Variants in KHDRBS2 observed in about 807,000 individuals in gnomAD.
KHDRBS2 encodes KH RNA binding domain containing, signal transduction associated 2.
A neutral mutation model predicts 44.3 loss-of-function variants in KHDRBS2; 26 were observed. That is an observed-to-expected ratio of 0.59 (90% CI 0.43 to 0.81). The LOEUF is 0.81. Ranked by LOEUF, KHDRBS2 falls within the 40% of genes least tolerant of loss-of-function variation. KHDRBS2 has a pLI of 0.00. For synonymous variants in KHDRBS2, 194 were observed against 151.1 expected, an observed-to-expected ratio of 1.28 and a Z score of -2.08; for missense variants, 476 against 433.1, an observed-to-expected ratio of 1.10 and a Z score of -0.88.
At chr6:61,929,398 C>T (rs1809595488) in intron 4 of KHDRBS2, among the ~76,000 whole-genome samples, 1 of 152,120 alleles carries the variant, frequency 6.6e-6, no homozygotes, top group African/African-American at 2.4e-5. Flanking sequence ...CAACCTGCAC[C>T]AATTTGGCTT....
At chr6:62,133,768 G>GAGA (rs2150092062) in intron 2 of KHDRBS2, among the ~76,000 whole-genome samples, 1 of 152,264 alleles carries the variant, frequency 6.6e-6, no homozygotes, top group East Asian at 1.9e-4. Context: ...AGAGGGAGAT[G>GAGA]AGAAACTTGT....
chr6:61,796,747 GGGGC>G (rs1785416813), intron 6 of KHDRBS2, among the ~76,000 whole-genome samples: 1 of 152,070 alleles, frequency 6.6e-6, no homozygotes, highest in African/African-American at 2.4e-5. Context: ...ATTTCTGAAA[GGGGC>G]TATATACTTG....
chr6:61,682,036 T>A (rs917794659), intron 8 of KHDRBS2, among the ~76,000 whole-genome samples: 1 of 151,852 alleles, frequency 6.6e-6, no homozygotes, highest in Non-Finnish European at 1.5e-5. Context: ...TAGAGACGCA[T>A]AGATATTGAT....
At chr6:62,107,549 C>A (rs1201867865) in intron 2 of KHDRBS2, among the ~76,000 whole-genome samples, 1 of 152,124 alleles carries the variant, frequency 6.6e-6, no homozygotes, top group East Asian at 1.9e-4. Context: ...ATGCCATCCC[C>A]ATCAAGCTAC....
chr6:61,951,623 A>T (rs1018798037), intron 4 of KHDRBS2, among the ~76,000 whole-genome samples: 2 of 152,070 alleles, frequency 1.3e-5, no homozygotes, highest in African/African-American at 4.8e-5. Flanking sequence ...AATCTATTAG[A>T]CACACAGTAA....
At chr6:61,871,991 T>G (rs1798731872) in intron 6 of KHDRBS2, among the ~76,000 whole-genome samples, 1 of 151,432 alleles carries the variant, frequency 6.6e-6, no homozygotes, top group African/African-American at 2.4e-5. Flanking sequence ...ATACCTAATG[T>G]AGGTGATGGG....
intron 1 of KHDRBS2, among the ~76,000 whole-genome samples, chr6:62,230,338 T>G (rs1832699593): frequency 6.6e-6 from 1 of 152,198 alleles, no homozygotes; most frequent in South Asian, 2.1e-4. Flanking sequence ...TCTTCCACCA[T>G]TAAGTGACTC....
intron 1 of KHDRBS2, among the ~76,000 whole-genome samples, chr6:62,246,224 T>C (rs1835551640): frequency 6.6e-6 from 1 of 150,928 alleles, no homozygotes; most frequent in Non-Finnish European, 1.5e-5. Flanking sequence ...TATATTAAAA[T>C]AGGATGTTCT....
chr6:62,045,167 A>G (rs1168245794), intron 3 of KHDRBS2, among the ~76,000 whole-genome samples: 2 of 152,040 alleles, frequency 1.3e-5, no homozygotes, highest in African/African-American at 2.4e-5. Flanking sequence ...GGGGAACAAT[A>G]AAGAATGAAG....
intron 2 of KHDRBS2, among the ~76,000 whole-genome samples, chr6:62,108,988 C>T (rs1318753841): frequency 6.6e-6 from 1 of 151,800 alleles, no homozygotes. Flanking sequence ...AGGAGATATA[C>T]CTAATGCTAA....
At chr6:61,892,767 A>G (rs1262274935) in intron 6 of KHDRBS2, among the ~76,000 whole-genome samples, 1 of 152,246 alleles carries the variant, frequency 6.6e-6, no homozygotes, top group Non-Finnish European at 1.5e-5. Context: ...TGGATTAAAG[A>G]CTTAAATGTT....
chr6:62,279,033 G>A (rs1287438803), intron 1 of KHDRBS2, among the ~76,000 whole-genome samples: 3 of 152,152 alleles, frequency 2.0e-5, no homozygotes, highest in Non-Finnish European at 4.4e-5. Flanking sequence ...GGCGGAGCTT[G>A]CAGTGAGCTG....
At chr6:61,975,649 A>G (rs1006103750) in intron 4 of KHDRBS2, among the ~76,000 whole-genome samples, 30 of 125,492 alleles carry the variant, frequency 2.4e-4, no homozygotes, top group African/African-American at 9.4e-4. Context: ...AAGATAAGCA[A>G]GATGCACACA....
the KHDRBS2 span, among the ~76,000 whole-genome samples, chr6:61,593,195 G>A: frequency 6.6e-6 from 1 of 152,110 alleles, no homozygotes; most frequent in African/African-American, 2.4e-5. Context: ...TAAGTCAATA[G>A]GCGTGAAGGC....
chr6:61,981,669 G>T (rs1003087745), intron 3 of KHDRBS2, among the ~76,000 whole-genome samples: 1 of 152,064 alleles, frequency 6.6e-6, no homozygotes, highest in African/African-American at 2.4e-5. Flanking sequence ...AATTCTAAAT[G>T]AAGTCTGCTT....
At chr6:62,203,847 G>T (rs539579443) in intron 1 of KHDRBS2, among the ~76,000 whole-genome samples, 1 of 152,256 alleles carries the variant, frequency 6.6e-6, no homozygotes, top group Admixed American at 6.5e-5. Context: ...TTGAAATTCA[G>T]TGCCAAATTC....
At chr6:62,090,550 A>AGGAAAGGTGTTT (rs1249657926) in intron 2 of KHDRBS2, among the ~76,000 whole-genome samples, 1 of 150,842 alleles carries the variant, frequency 6.6e-6, no homozygotes, top group Non-Finnish European at 1.5e-5. Flanking sequence ...TAGTGGTTAT[A>AGGAAAGGTGTTT]GGAAAGGTGT....
chr6:61,818,811 AATT>A (rs1789401066), intron 6 of KHDRBS2, among the ~76,000 whole-genome samples: 2 of 151,936 alleles, frequency 1.3e-5, no homozygotes, highest in Non-Finnish European at 2.9e-5. Context: ...TAAGCATAAA[AATT>A]ATACCAACCA....
At chr6:61,792,162 A>G (rs574217996) in intron 6 of KHDRBS2, among the ~76,000 whole-genome samples, 1 of 151,644 alleles carries the variant, frequency 6.6e-6, no homozygotes, top group Admixed American at 6.6e-5. Context: ...CTAAAGTTGA[A>G]ATCTGTACCT....
Sources: allele counts gnomAD v4.1 joint callset (sites outside exome capture counted in the v4.1 genomes callset), GRCh38; gene constraint gnomAD v4.1.1; transcripts MANE v1.5; gene names NCBI Gene and HGNC (gene_info 2026-07-23, HGNC 2026-07-21).